The following FGF14 variants were observed in gnomAD, a reference collection of about 807,000 sequenced individuals.
FGF14 encodes fibroblast growth factor 14.
In FGF14, 5 loss-of-function variants were observed where a neutral mutation model predicts 25.5. The observed-to-expected ratio is 0.20, with a 90% CI of 0.10 to 0.41. The LOEUF (loss-of-function observed/expected upper bound fraction) is 0.41. Ranked by LOEUF, FGF14 falls within the 10% of genes least tolerant of loss-of-function variation. FGF14 has a pLI of 1.00. For missense variants in FGF14, 222 were observed against 320.1 expected (o/e 0.69, Z 2.34); for synonymous variants, 138 against 118.3 (o/e 1.17, Z -1.08).
chr13:101,779,934 T>A (rs1416333973), intron 3 of FGF14, among the ~76,000 whole-genome samples: 1 of 152,214 alleles, frequency 6.6e-6, no homozygotes, highest in Non-Finnish European at 1.5e-5. Flanking sequence ...TATCTTTTTA[T>A]TTTCAGCAAG....
intron 3 of FGF14, among the ~76,000 whole-genome samples, chr13:101,781,723 G>A (rs995765972): frequency 5.9e-5 from 9 of 152,144 alleles, no homozygotes; most frequent in Non-Finnish European, 1.2e-4. Context: ...TTCCAAATTT[G>A]ATACTTTTGT....
chr13:101,941,407 C>A (rs16959480), intron 1 of FGF14, among the ~76,000 whole-genome samples: 4,579 of 152,264 alleles, frequency 0.03, 210 homozygotes, highest in African/African-American at 0.1. Context: ...CACGATAAGA[C>A]CACTTTATCC....
intron 1 of FGF14, among the ~76,000 whole-genome samples, chr13:102,101,911 C>T (rs530891054): frequency 1.8e-4 from 27 of 152,176 alleles, no homozygotes; most frequent in South Asian, 1.7e-3. Flanking sequence ...CTATGTTGGC[C>T]GGGCTGGTCT....
chr13:101,809,941 T>G (rs999141234), intron 3 of FGF14, among the ~76,000 whole-genome samples: 7 of 152,194 alleles, frequency 4.6e-5, no homozygotes, highest in African/African-American at 1.7e-4. Flanking sequence ...TGGAAGAGTC[T>G]GGATTTGAAT....
At chr13:101,836,450 T>C (rs942802021) in intron 3 of FGF14, among the ~76,000 whole-genome samples, 3 of 152,050 alleles carry the variant, frequency 2.0e-5, no homozygotes, top group African/African-American at 7.2e-5. Flanking sequence ...TTTTTGTGAC[T>C]GAACAAGCAC....
chr13:101,815,054 C>T (rs1269950422), intron 3 of FGF14, among the ~76,000 whole-genome samples: 5 of 152,150 alleles, frequency 3.3e-5, no homozygotes, highest in African/African-American at 7.2e-5. Context: ...CAGAGGGAGC[C>T]TCATGCTATC....
chr13:101,737,454 T>A (rs1482245831), intron 3 of FGF14, among the ~76,000 whole-genome samples: 1 of 152,200 alleles, frequency 6.6e-6, no homozygotes, highest in Non-Finnish European at 1.5e-5. Context: ...TGAAGTATTT[T>A]AGTTTATGTA....
intron 1 of FGF14, among the ~76,000 whole-genome samples, chr13:102,381,529 T>C (rs898805711): frequency 6.6e-6 from 1 of 152,166 alleles, no homozygotes; most frequent in South Asian, 2.1e-4. Flanking sequence ...TGCTGGTGCA[T>C]TGATCTTGGA....
intron 2 of FGF14, among the ~76,000 whole-genome samples, chr13:101,873,174 C>T (rs1168705172): frequency 6.6e-6 from 1 of 152,074 alleles, no homozygotes; most frequent in Non-Finnish European, 1.5e-5. Flanking sequence ...TTAGAAAGTG[C>T]TTATTCAATT....
intron 1 of FGF14, among the ~76,000 whole-genome samples, chr13:102,310,594 G>A (rs1268845009): frequency 1.3e-5 from 2 of 150,664 alleles, no homozygotes; most frequent in South Asian, 2.1e-4. Context: ...TCTGGGCCAG[G>A]AGATAGAGGG....
chr13:102,256,613 G>A (rs1261208152), intron 1 of FGF14, among the ~76,000 whole-genome samples: 2 of 152,182 alleles, frequency 1.3e-5, no homozygotes, highest in African/African-American at 2.4e-5. Context: ...TGAATCAGAC[G>A]CTCTAAAGAG....
chr13:101,909,624 A>C (rs990458182), intron 1 of FGF14, among the ~76,000 whole-genome samples: 6 of 152,192 alleles, frequency 3.9e-5, no homozygotes, highest in African/African-American at 1.4e-4. Flanking sequence ...AGAAATAGGA[A>C]CACTTTTACA....
chr13:101,873,139 A>T (rs1305514327), intron 2 of FGF14, among the ~76,000 whole-genome samples: 1 of 152,144 alleles, frequency 6.6e-6, no homozygotes, highest in Non-Finnish European at 1.5e-5. Context: ...GTATGTGTGC[A>T]CATAATAAAT....
intron 3 of FGF14, among the ~76,000 whole-genome samples, chr13:101,730,725 A>G (rs1194635300): frequency 6.6e-6 from 1 of 152,186 alleles, no homozygotes. Context: ...TGAGATCTCC[A>G]GGGATAATGT....
In FGF14 at chr13:102,388,560, T is replaced by A. The variant is rs1276710567; in HGVS notation, c.208+12911A>T. 2.6e-5 allele frequency among the ~76,000 whole-genome samples: 4 copies of A among 152,224 alleles called. No individual in the cohort carries two copies. The East Asian group carries it at 7.7e-4, about 29-fold the overall frequency. ...ATCCTTCCAGGTTCCAAGAAAGCAATGCCCTTCCTGGCCCACAATTTCTCA... is the reference window on the plus strand; with the variant it reads ...ATCCTTCCAGGTTCCAAGAAAGCAAAGCCCTTCCTGGCCCACAATTTCTCA... On this transcript the variant is annotated intron_variant, in intron 1 of 4. Transcript: ENST00000376131.
At chr13:101,887,347 C>CAT (rs1286919794) in intron 1 of FGF14, among the ~76,000 whole-genome samples, 1 of 142,860 alleles carries the variant, frequency 7.0e-6, no homozygotes. Context: ...TATATATATA[C>CAT]ACACACACAC....
At chr13:102,205,984 TAAAAAAAAAAA>T (rs36108366) in intron 1 of FGF14, among the ~76,000 whole-genome samples, 15 of 47,438 alleles carry the variant, frequency 3.2e-4, no homozygotes, top group East Asian at 2.8e-3. Flanking sequence ...CTCCCTGTGG[TAAAAAAAAAAA>T]AAAAAAAAAA....
At chr13:101,922,411 G>T (rs1038685221) in intron 1 of FGF14, among the ~76,000 whole-genome samples, 1 of 152,090 alleles carries the variant, frequency 6.6e-6, no homozygotes. Context: ...CTTACTGAAG[G>T]ATGTGAGACT....
chr13:102,233,766 C>T (rs970655737), intron 1 of FGF14, among the ~76,000 whole-genome samples: 1 of 152,184 alleles, frequency 6.6e-6, no homozygotes, highest in African/African-American at 2.4e-5. Flanking sequence ...CTTGTCGACA[C>T]ACAACCCAGA....
Sources: allele counts gnomAD v4.1 joint callset (sites outside exome capture counted in the v4.1 genomes callset), GRCh38; gene constraint gnomAD v4.1.1; transcripts MANE v1.5; gene names NCBI Gene and HGNC (gene_info 2026-07-23, HGNC 2026-07-21).